INHBC: variants seen among roughly 807,000 people sequenced by gnomAD.
The protein encoded by INHBC is inhibin beta C chain.
Under a neutral mutation model 12.4 loss-of-function variants are expected in INHBC, and 10 were observed. That is an observed-to-expected ratio of 0.81 (90% CI 0.50 to 1.37). INHBC has a LOEUF of 1.37. Among genes scored for constraint, INHBC ranks in the 40% most tolerant of loss-of-function variants. The pLI is 0.00. For synonymous variants in INHBC, 147 were observed against 171.6 expected, an observed-to-expected ratio of 0.86 and a Z score of 1.12; for missense variants, 382 against 439.4, an observed-to-expected ratio of 0.87 and a Z score of 1.17.
At chr12:57,443,620 A>G (rs1397097990) in intron 1 of INHBC, among the ~76,000 whole-genome samples, 1 of 152,152 alleles carries the variant, frequency 6.6e-6, no homozygotes, top group East Asian at 1.9e-4. Context: ...AAAAATGGCT[A>G]AGGCCAAATT....
In INHBC at chr12:57,450,000, T is replaced by C. The variant is rs1870678416; in HGVS notation, c.1037T>C (p.Val346Ala). 6.6e-7 allele frequency: 1 copy of C among 1,524,944 alleles called. No homozygotes were observed. The highest frequency in any genetic ancestry group is 8.8e-7 in the Non-Finnish European group (1 of 1,136,270). The allele number at this position is 1,524,944 out of a possible 1,614,324, so 94.5% of individuals were successfully genotyped here. A position where few individuals can be genotyped will look rare whatever the true frequency, so the allele number is the denominator to read the frequency against. The change falls in exon 2 of 2, where the codon GTA (valine) becomes GCA (alanine). Residue 346 changes from valine (V) to alanine (A), a missense_variant. Coordinates refer to ENST00000309668, the MANE Select transcript of INHBC (RefSeq NM_005538.4). ...IVKTDIPDMVVEACGCS is the reference protein window; with the variant it reads ...IVKTDIPDMVAEACGCS The stretch of plus-strand genomic sequence containing the variant: ...AAGACTGACATACCTGACATGGTAG[T>C]AGAGGCCTGTGGGTGCAGTTAGTCT...
At chr12:57,447,879 AAAAAAAAAAAAAAATAT>A (rs1679142384) in intron 1 of INHBC, among the ~76,000 whole-genome samples, 1 of 77,520 alleles carries the variant, frequency 1.3e-5, no homozygotes, top group African/African-American at 4.2e-5. Context: ...AAAAAAAAAA[AAAAAAAAAAAAAAATAT>A]ATATATATAT....
rs1428248086 is a variant in INHBC, at chr12:57,435,203, G to C, written c.313+4G>C. The C allele has an allele frequency of 3.1e-6, 5 of 1,606,264 alleles. No homozygotes were observed. Among genetic ancestry groups the C allele is most frequent in the Non-Finnish European group, 4.3e-6 (5 of 1,174,606 alleles). On this transcript the variant is annotated splice_donor_region_variant and intron_variant, in intron 1 of 1. Transcript: ENST00000309668. ...ATCATCAGCTTTGCTGAGACAGGTG[G>C]GTTCCTGATCTGTAGCTCTTCCCCA...
intron 1 of INHBC, among the ~76,000 whole-genome samples, chr12:57,442,914 C>A (rs1870495113): frequency 1.3e-5 from 2 of 151,390 alleles, no homozygotes; most frequent in Admixed American, 1.3e-4. Context: ...TTGCTTGAAT[C>A]CAGGAGGCTG....
intron 1 of INHBC, among the ~76,000 whole-genome samples, chr12:57,448,724 C>A (rs1870641781): frequency 6.6e-6 from 1 of 151,976 alleles, no homozygotes. Context: ...GCAAAGAAAA[C>A]CAGGAAGAAT....
At chr12:57,436,473 C>CTTTTTTTTTTT (rs71084754) in intron 1 of INHBC, among the ~76,000 whole-genome samples, 4 of 104,776 alleles carry the variant, frequency 3.8e-5, no homozygotes, top group Non-Finnish European at 5.9e-5. Context: ...TTTTCTTTTT[C>CTTTTTTTTTTT]TTTTTTTTTT....
At chr12:57,441,242 T>C (rs1870456394) in intron 1 of INHBC, among the ~76,000 whole-genome samples, 1 of 151,214 alleles carries the variant, frequency 6.6e-6, no homozygotes, top group Non-Finnish European at 1.5e-5. Context: ...TAATCCCAGC[T>C]ACCCGGGAGG....
At chr12:57,443,376 C>A (rs1181545175) in intron 1 of INHBC, among the ~76,000 whole-genome samples, 1 of 151,974 alleles carries the variant, frequency 6.6e-6, no homozygotes. Flanking sequence ...CCTCCGACTC[C>A]CAGGTTCAAG....
intron 1 of INHBC, among the ~76,000 whole-genome samples, chr12:57,447,915 AT>A (rs1566551444): frequency 2.6e-5 from 3 of 114,814 alleles, no homozygotes; most frequent in African/African-American, 3.1e-5. Flanking sequence ...ATATATATAT[AT>A]ATATATAAAA....
chr12:57,451,928 A>T lies in INHBC; in HGVS notation c.*1906A>T. ...TGAGTCATTCACCTGGGGGGGCTAA[A>T]TTTTAAGGGGGTGGTGAACAATTTA... On this transcript the variant is annotated 3_prime_UTR_variant, in exon 2 of 2. Transcript: ENST00000309668. 1 of 434,598 alleles carries T rather than the reference A, an allele frequency of 2.3e-6. No individual in the cohort carries two copies. The highest frequency in any genetic ancestry group is 1.7e-5 in the South Asian group (1 of 60,542). The allele number at this position is 434,598 out of a possible 1,614,324, so 26.9% of individuals were successfully genotyped here.
rs750264858 is a variant in INHBC, at chr12:57,435,117, G to C, written c.231G>C (p.Gln77His). The C allele has an allele frequency of 8.7e-6, 14 of 1,614,064 alleles. No homozygotes were observed. The African/African-American group carries it at 1.6e-4, about 18-fold the overall frequency. ...VSRAALRTAL[Q>H]HLHGVPQGAL... ...GAGCTGCTTTGAGGACTGCACTGCA[G>C]CACCTCCACGGGGTCCCACAGGGGG... is the stretch of plus-strand genomic sequence containing the variant. The change falls in exon 1 of 2, where the codon CAG becomes CAC. Residue 77 changes from glutamine to histidine, a missense_variant. Coordinates refer to ENST00000309668, the MANE Select transcript of INHBC (RefSeq NM_005538.4).
chr12:57,445,713 A>ACCC lies in INHBC; in HGVS notation c.314-3560_314-3558dup, dbSNP rs34861543. 6.0e-3 allele frequency among the ~76,000 whole-genome samples: 687 copies of ACCC among 115,414 alleles called. 25 individuals are homozygous for ACCC. The East Asian group carries it at 0.076, about 13-fold the overall frequency. The allele number at this position is 115,414 out of a possible 152,430, so 75.7% of individuals were successfully genotyped here. On this transcript the variant is annotated intron_variant, in intron 1 of 1. Coordinates refer to ENST00000309668, the MANE Select transcript of INHBC (RefSeq NM_005538.4). ...AGACCAGTCTGGGTAACATAGTGAG[A>ACCC]CCCCCCGCCCATCTCCATGTAAATT...
intron 1 of INHBC, among the ~76,000 whole-genome samples, chr12:57,442,021 GTTC>G (rs1225576217): frequency 2.0e-5 from 3 of 152,114 alleles, no homozygotes; most frequent in South Asian, 2.1e-4. Context: ...TATCTGGACA[GTTC>G]TTCTGCTCCA....
At chr12:57,439,782 C>T (rs534868652) in intron 1 of INHBC, among the ~76,000 whole-genome samples, 42 of 152,212 alleles carry the variant, frequency 2.8e-4, no homozygotes, top group African/African-American at 7.7e-4. Context: ...GACAGAACAT[C>T]GTCTTAAATT....
chr12:57,440,577 C>T (rs947974534), intron 1 of INHBC, among the ~76,000 whole-genome samples: 13 of 151,982 alleles, frequency 8.6e-5, no homozygotes, highest in African/African-American at 2.7e-4. Flanking sequence ...GTGATCTGCC[C>T]GCCTCAGCCT....
chr12:57,443,434 G>C (rs531086342), intron 1 of INHBC, among the ~76,000 whole-genome samples: 1 of 151,756 alleles, frequency 6.6e-6, no homozygotes, highest in East Asian at 2.0e-4. Context: ...ACAGGCATGC[G>C]CCACCACGCC....
At position 57,449,498 on chromosome 12, in the gene INHBC, C is replaced by A. The variant is rs1224709038; in HGVS notation, c.535C>A (p.Gln179Lys). ...GGAGGTGGATGCCAGTGGCTGGCAT[C>A]AACTCCCCCTAGGGCCTGAAGCTCA... The part of the protein sequence containing the change: ...LLEVDASGWH[Q>K]LPLGPEAQAA... The change falls in exon 2 of 2, where the codon CAA becomes AAA. Residue 179 changes from glutamine to lysine, a missense_variant. Transcript: ENST00000309668. 1 of 1,614,176 alleles carries A rather than the reference C, an allele frequency of 6.2e-7. No individual in the cohort carries two copies. Among genetic ancestry groups the A allele is most frequent in the Non-Finnish European group, 8.5e-7 (1 of 1,180,014 alleles).
At chr12:57,437,930 C>T (rs1387285050) in intron 1 of INHBC, among the ~76,000 whole-genome samples, 3 of 151,906 alleles carry the variant, frequency 2.0e-5, no homozygotes, top group Admixed American at 6.6e-5. Context: ...GAACTACAGG[C>T]GAACACCACT....
At position 57,449,842 on chromosome 12, in the gene INHBC, C is replaced by T. The variant is rs772503990; in HGVS notation, c.879C>T (p.Ser293=). The T allele has an allele frequency of 1.2e-6, 2 of 1,612,728 alleles. No homozygotes were observed. The highest frequency in any genetic ancestry group is 1.7e-6 in the Non-Finnish European group (2 of 1,179,162). ...CAGGCATGCCTGGTATTGCTGCCTC[C>T]TTTCACACTGCAGTGCTCAATCTTC... The part of the protein sequence containing the change: ...HIAGMPGIAA[S]FHTAVLNLLK... The change falls in exon 2 of 2, where the codon TCC becomes TCT. Residue 293 remains serine, a synonymous_variant. Transcript: ENST00000309668.
Sources: allele counts gnomAD v4.1 joint callset (sites outside exome capture counted in the v4.1 genomes callset), GRCh38; gene constraint gnomAD v4.1.1; transcripts MANE v1.5; gene names NCBI Gene and HGNC (gene_info 2026-07-23, HGNC 2026-07-21).